DISC1: variants seen among roughly 807,000 people sequenced by gnomAD.
The protein encoded by DISC1 is disrupted in schizophrenia 1 protein.
In DISC1, 57 loss-of-function variants were observed where a neutral mutation model predicts 84.5. The observed-to-expected ratio is 0.67, with a 90% CI of 0.55 to 0.84. The LOEUF is 0.84. Ranked by LOEUF, DISC1 falls within the 40% of genes least tolerant of loss-of-function variation. The probability of loss-of-function intolerance (pLI) is 0.00; values close to 1 mark genes in which losing one functional copy is unlikely to be tolerated. For synonymous variants in DISC1, 411 were observed against 415.2 expected, an observed-to-expected ratio of 0.99 and a Z score of 0.12; for missense variants, 1,000 against 1,057.8, an observed-to-expected ratio of 0.95 and a Z score of 0.76.
chr1:231,843,105 G>A (rs1422646965), intron 9 of DISC1, among the ~76,000 whole-genome samples: 1 of 152,196 alleles, frequency 6.6e-6, no homozygotes, highest in Non-Finnish European at 1.5e-5. Context: ...ATAAGTGTAT[G>A]ATGGGGGGGT....
At position 231,675,296 on chromosome 1, in the gene DISC1, G is replaced by T. The variant is rs931420848; in HGVS notation, c.68-18530G>T. ...CACATCTTTTTGCTTTGGGATGATTGCTGGGTCCTGGGGTCTCTCTCCCTG... is the reference window on the plus strand; with the variant it reads ...CACATCTTTTTGCTTTGGGATGATTTCTGGGTCCTGGGGTCTCTCTCCCTG... On this transcript the variant is annotated intron_variant, in intron 1 of 12. Transcript: ENST00000439617. The surrounding 1 kb of genome is among the most constrained non-coding windows in gnomAD (Gnocchi z 4.1). Among the ~76,000 whole-genome samples the T allele has an allele frequency of 6.6e-6, 1 of 151,972 alleles. No individual in the cohort carries two copies. Among genetic ancestry groups the T allele is most frequent in the African/African-American group, 2.4e-5 (1 of 41,342 alleles).
intron 9 of DISC1, among the ~76,000 whole-genome samples, chr1:231,951,078 A>T (rs1658288412): frequency 6.6e-6 from 1 of 152,238 alleles, no homozygotes; most frequent in African/African-American, 2.4e-5. Flanking sequence ...TTTCATGGAC[A>T]ACTGAGTCAC....
chr1:231,639,465 T>C (rs2059452490), intron 1 of DISC1, among the ~76,000 whole-genome samples: 1 of 152,190 alleles, frequency 6.6e-6, no homozygotes, highest in Non-Finnish European at 1.5e-5. Context: ...ACTGGACAAG[T>C]GCATCTTCTC....
chr1:232,022,838 A>C (rs948837838), intron 11 of DISC1, among the ~76,000 whole-genome samples: 1 of 152,194 alleles, frequency 6.6e-6, no homozygotes, highest in African/African-American at 2.4e-5. Context: ...GTATCCTCTC[A>C]GTTCAGAATC....
intron 10 of DISC1, among the ~76,000 whole-genome samples, chr1:232,004,907 T>TCCTTCCTTCCTTCTTC (rs1439613399): frequency 7.6e-6 from 1 of 131,386 alleles, no homozygotes; most frequent in Non-Finnish European, 1.6e-5. Flanking sequence ...CTTCCTTCTT[T>TCCTTCCTTCCTTCTTC]CCTTCCTTCC....
chr1:231,983,357 G>A (rs1040783897), intron 10 of DISC1, among the ~76,000 whole-genome samples: 2 of 151,236 alleles, frequency 1.3e-5, no homozygotes, highest in African/African-American at 4.9e-5. Context: ...GGAGTCAGGG[G>A]GTGCAGAAGC....
At chr1:231,837,567 T>G (rs2082712946) in intron 9 of DISC1, among the ~76,000 whole-genome samples, 1 of 146,596 alleles carries the variant, frequency 6.8e-6, no homozygotes, top group Non-Finnish European at 1.5e-5. Context: ...ATTAAGACAC[T>G]GGTGTATTTC....
chr1:231,854,405 T>C (rs2084113021), intron 9 of DISC1, among the ~76,000 whole-genome samples: 1 of 152,226 alleles, frequency 6.6e-6, no homozygotes, highest in Non-Finnish European at 1.5e-5. Flanking sequence ...ATGTGTAATA[T>C]GTGAAAAACT....
intron 9 of DISC1, among the ~76,000 whole-genome samples, chr1:231,932,078 C>T (rs936357461): frequency 2.6e-5 from 4 of 152,202 alleles, no homozygotes; most frequent in African/African-American, 4.8e-5. Flanking sequence ...CTAGCATTAA[C>T]TCAGTGTCAG....
chr1:231,734,687 G>A (rs2072244699), intron 3 of DISC1, among the ~76,000 whole-genome samples: 1 of 152,186 alleles, frequency 6.6e-6, no homozygotes, highest in Admixed American at 6.5e-5. Context: ...ACTGAAATGT[G>A]TCAGCAAAGC....
intron 4 of DISC1, among the ~76,000 whole-genome samples, chr1:231,761,530 G>A (rs2075664835): frequency 6.6e-6 from 1 of 151,988 alleles, no homozygotes. Context: ...GAAGAGTTTT[G>A]GTTAATCACA....
intron 3 of DISC1, among the ~76,000 whole-genome samples, chr1:231,733,317 G>GTGT (rs1442064075): frequency 6.6e-6 from 1 of 151,646 alleles, no homozygotes; most frequent in African/African-American, 2.4e-5. Context: ...GATGGTAGGA[G>GTGT]TGGTGGTGAT....
At chr1:231,966,084 G>A (rs201254040) in intron 10 of DISC1, among the ~76,000 whole-genome samples, 2 of 152,198 alleles carry the variant, frequency 1.3e-5, no homozygotes, top group African/African-American at 2.4e-5. Context: ...ATGCAAGAAT[G>A]AATGGATAAA....
intron 9 of DISC1, among the ~76,000 whole-genome samples, chr1:231,849,834 A>G (rs4459095): frequency 0.88 from 133,462 of 152,186 alleles, 58,626 homozygotes; most frequent in East Asian, 0.99. Flanking sequence ...GCACATATGC[A>G]GTTTCTCCTA....
intron 9 of DISC1, among the ~76,000 whole-genome samples, chr1:231,948,050 C>T (rs1657574790): frequency 1.3e-5 from 2 of 152,238 alleles, no homozygotes; most frequent in South Asian, 4.2e-4. Context: ...GACAGTGTAG[C>T]GATTCCTCAA....
Position 232,004,945 on chromosome 1 carries a change from TTTCC to T in DISC1, c.2043-3820_2043-3817del, listed in dbSNP as rs148052574. 1.9e-3 allele frequency among the ~76,000 whole-genome samples: 131 copies of T among 68,944 alleles called. 1 individual carries two copies. Among genetic ancestry groups the T allele is most frequent in the East Asian group, 5.0e-3 (15 of 3,024 alleles). 45.2% of individuals were successfully genotyped at this position (68,944 alleles called of 152,430 possible). ...CTTCCCTTCCTTCCATCCTTCTTCC[TTTCC>T]TTCCTTCCTTCCTTCCTTCTTCCCT... is the stretch of plus-strand genomic sequence containing the variant. On this transcript the variant is annotated intron_variant, in intron 10 of 12. Transcript: ENST00000439617.
At chr1:231,690,447 A>C (rs1438453584) in intron 1 of DISC1, among the ~76,000 whole-genome samples, 1 of 152,160 alleles carries the variant, frequency 6.6e-6, no homozygotes, top group Non-Finnish European at 1.5e-5. Context: ...ACCTGCCTGC[A>C]CTTTGGGCTT....
intron 1 of DISC1, among the ~76,000 whole-genome samples, chr1:231,641,490 T>C (rs2059667514): frequency 1.3e-5 from 2 of 151,840 alleles, no homozygotes. Context: ...TTACAGCTCA[T>C]AAAGGCAGTG....
intron 12 of DISC1, among the ~76,000 whole-genome samples, chr1:232,028,223 A>T (rs1411113754): frequency 6.6e-6 from 1 of 152,140 alleles, no homozygotes; most frequent in Non-Finnish European, 1.5e-5. Flanking sequence ...TGGGGCACAG[A>T]GGAGGAGTCC....
Sources: allele counts gnomAD v4.1 joint callset (sites outside exome capture counted in the v4.1 genomes callset), GRCh38; gene constraint gnomAD v4.1.1; non-coding constraint Gnocchi (gnomAD v3.1); transcripts MANE v1.5; gene names NCBI Gene and HGNC (gene_info 2026-07-23, HGNC 2026-07-21).